FMN2: variants seen among roughly 807,000 people sequenced by gnomAD.
The protein encoded by FMN2 is formin-2.
Under a neutral mutation model 142.3 loss-of-function variants are expected in FMN2, and 51 were observed. That is an observed-to-expected ratio of 0.36 (90% CI 0.29 to 0.45). FMN2 has a LOEUF of 0.45. Among genes scored for constraint, FMN2 ranks in the 20% least tolerant of loss-of-function variants. The probability of loss-of-function intolerance (pLI) is 1.00; values close to 1 mark genes in which losing one functional copy is unlikely to be tolerated. For missense variants in FMN2, 1,936 were observed against 2,122.8 expected (o/e 0.91, Z 1.73); for synonymous variants, 882 against 869.8 (o/e 1.01, Z -0.25).
At chr1:240,268,135 G>A (rs2124727) in intron 7 of FMN2, among the ~76,000 whole-genome samples, 57,231 of 151,842 alleles carry the variant, frequency 0.38, 11,278 homozygotes, top group East Asian at 0.55. Context: ...CTCATTACTG[G>A]GTATATATCT....
At position 240,178,103 on chromosome 1, in the gene FMN2, A is replaced by G. The variant is rs185674583; in HGVS notation, c.1930+35A>G. On this transcript the variant is annotated intron_variant, in intron 3 of 17. Coordinates refer to ENST00000319653, the MANE Select transcript of FMN2 (RefSeq NM_020066.5). ...TCCTTTGTCTTCAGAGATAACTGGAAGAGGCAAGATAGAGAGAGAGAAGTT... is the reference window on the plus strand; with the variant it reads ...TCCTTTGTCTTCAGAGATAACTGGAGGAGGCAAGATAGAGAGAGAGAAGTT... 295 of 1,534,816 alleles carry G rather than the reference A, an allele frequency of 1.9e-4. 2 individuals are homozygous for G. The East Asian group carries it at 5.7e-3, about 30-fold the overall frequency.
At position 240,413,120 on chromosome 1, in the gene FMN2, C is replaced by CTCAA. The variant is rs1259612812; in HGVS notation, c.4910+20558_4910+20559insTCAA. On this transcript the variant is annotated intron_variant, in intron 15 of 17. Transcript: ENST00000319653. ...CCTGGGCGACAAAGCGAGACTCTGTCAAAAAAAAAAAAAAAAAAAAAAAAA... is the reference window on the plus strand; with the variant it reads ...CCTGGGCGACAAAGCGAGACTCTGTCTCAAAAAAAAAAAAAAAAAAAAAAAAAAA... Among the ~76,000 whole-genome samples the CTCAA allele has an allele frequency of 2.0e-4, 5 of 24,582 alleles. 1 individual carries two copies. The highest frequency in any genetic ancestry group is 5.8e-4 in the African/African-American group (5 of 8,626). 16.1% of individuals were successfully genotyped at this position (24,582 alleles called of 152,430 possible).
chr1:240,335,196 C>T (rs540746867), intron 13 of FMN2, among the ~76,000 whole-genome samples: 1 of 152,216 alleles, frequency 6.6e-6, no homozygotes, highest in East Asian at 1.9e-4. Context: ...TGGTTCATGG[C>T]AGACAGTTGC....
intron 7 of FMN2, among the ~76,000 whole-genome samples, chr1:240,275,051 G>T (rs1008234523): frequency 1.3e-5 from 2 of 150,842 alleles, no homozygotes; most frequent in African/African-American, 4.9e-5. Flanking sequence ...GGGGAAATTG[G>T]GGTCAAGAAA....
At chr1:240,311,795 C>T (rs900160393) in intron 8 of FMN2, among the ~76,000 whole-genome samples, 5 of 151,940 alleles carry the variant, frequency 3.3e-5, no homozygotes, top group South Asian at 4.1e-4. Flanking sequence ...ATAAATGATC[C>T]GGGATTGTTC....
chr1:240,313,896 C>T (rs1670677565), intron 8 of FMN2, among the ~76,000 whole-genome samples: 2 of 152,022 alleles, frequency 1.3e-5, no homozygotes, highest in African/African-American at 4.8e-5. Flanking sequence ...ATTGCTTGAA[C>T]CCAAGAGGTG....
At chr1:240,220,956 G>C (rs1412459607) in intron 6 of FMN2, among the ~76,000 whole-genome samples, 1 of 152,126 alleles carries the variant, frequency 6.6e-6, no homozygotes, top group Non-Finnish European at 1.5e-5. Flanking sequence ...TTATGAGTGA[G>C]AACATGCAGT....
chr1:240,115,363 ATCTCAT>A (rs541659562), intron 1 of FMN2, among the ~76,000 whole-genome samples: 2 of 152,262 alleles, frequency 1.3e-5, no homozygotes, highest in South Asian at 4.2e-4. Flanking sequence ...GACATGCATT[ATCTCAT>A]TTAGTCATCA....
chr1:240,400,671 C>A (rs933931635), intron 15 of FMN2: 16 of 152,138 alleles, frequency 1.1e-4, no homozygotes, highest in African/African-American at 3.9e-4. Context: ...TATCTGCCAC[C>A]CCAATCTCAA....
At chr1:240,187,140 G>T (rs1665501186) in intron 3 of FMN2, among the ~76,000 whole-genome samples, 2 of 150,528 alleles carry the variant, frequency 1.3e-5, no homozygotes, top group East Asian at 2.0e-4. Flanking sequence ...TGTGGTGGCG[G>T]GTGCCTATAA....
rs1190384232 is a variant in FMN2, at chr1:240,207,406, A to G, written c.2594A>G (p.Glu865Gly). 1.9e-6 allele frequency: 3 copies of G among 1,613,674 alleles called. No individual in the cohort carries two copies. The highest frequency in any genetic ancestry group is 1.7e-5 in the Admixed American group (1 of 59,966). Residue 865 changes from glutamate (E) to glycine (G), a missense_variant, in exon 5 of 18, where the codon GAG (glutamate) becomes GGG (glycine). By Grantham distance (98) the Glu-to-Gly change is moderately conservative. Coordinates refer to ENST00000319653, the MANE Select transcript of FMN2 (RefSeq NM_020066.5). Reference sequence around the variant, plus strand: ...TCTCCACCACCTCTGCCTTGCACAGAGTCCTCCAGCTCCATGCCTGGCCTG... The same window carrying G: ...TCTCCACCACCTCTGCCTTGCACAGGGTCCTCCAGCTCCATGCCTGGCCTG... ...IPSPPPLPCT[E>G]SSSSMPGLGM...
intron 14 of FMN2, among the ~76,000 whole-genome samples, chr1:240,378,804 G>A (rs1422058206): frequency 6.6e-6 from 1 of 152,100 alleles, no homozygotes; most frequent in Non-Finnish European, 1.5e-5. Flanking sequence ...AAGTTCCACT[G>A]AGTTCTTTTG....
intron 2 of FMN2, among the ~76,000 whole-genome samples, chr1:240,166,445 G>A (rs921950836): frequency 6.6e-6 from 1 of 152,008 alleles, no homozygotes; most frequent in Non-Finnish European, 1.5e-5. Flanking sequence ...GGCCAGGCTG[G>A]TCTTCAACTT....
At chr1:240,210,503 G>C (rs1413799667) in intron 5 of FMN2, among the ~76,000 whole-genome samples, 1 of 152,112 alleles carries the variant, frequency 6.6e-6, no homozygotes, top group African/African-American at 2.4e-5. Flanking sequence ...TATGTATGTG[G>C]GTGATTCATT....
intron 15 of FMN2, among the ~76,000 whole-genome samples, chr1:240,431,423 TAC>T (rs1553378837): frequency 7.6e-6 from 1 of 130,952 alleles, no homozygotes; most frequent in Non-Finnish European, 1.7e-5. Context: ...TATATATATA[TAC>T]ATATATATAC....
At chr1:240,330,010 G>A (rs180940558) in intron 10 of FMN2, among the ~76,000 whole-genome samples, 70 of 152,176 alleles carry the variant, frequency 4.6e-4, no homozygotes, top group Middle Eastern at 3.4e-3. Context: ...TTCTAGTTGC[G>A]GTAAATCATT....
intron 7 of FMN2, among the ~76,000 whole-genome samples, chr1:240,269,782 A>G (rs538645822): frequency 1.2e-4 from 18 of 151,866 alleles, no homozygotes; most frequent in East Asian, 1.9e-4. Flanking sequence ...ATTTTCTCCT[A>G]AGTATTTTTT....
chr1:240,093,670 G>A lies in FMN2; in HGVS notation c.1561G>A (p.Ala521Thr). ...CGGTGGGGTGTCCCCAGCACTGGCC[G>A]CCAAGGCGTCTGGGGCCCCCGCGGC... The part of the protein sequence containing the change: ...SGGGVSPALA[A>T]KASGAPAAAD... Residue 521 changes from alanine (A) to threonine (T), a missense_variant, in exon 1 of 18, where the codon GCC becomes ACC. Physicochemically the swap from Ala to Thr is moderately conservative, Grantham distance 58. Transcript: ENST00000319653. 14 of 1,370,286 alleles carry A rather than the reference G, an allele frequency of 1.0e-5. No homozygotes were observed. Among genetic ancestry groups the A allele is most frequent in the Non-Finnish European group, 1.2e-5 (13 of 1,068,204 alleles). 84.9% of individuals were successfully genotyped at this position (1,370,286 alleles called of 1,614,324 possible).
At chr1:240,220,667 T>TTGTGTGTGTGTGTGTGTGTG (rs71792127) in intron 6 of FMN2, among the ~76,000 whole-genome samples, 3 of 149,094 alleles carry the variant, frequency 2.0e-5, no homozygotes, top group African/African-American at 7.4e-5. Context: ...GAGTCTGTGT[T>TTGTGTGTGTGTGTGTGTGTG]TGTGTGTGTG....
Sources: allele counts gnomAD v4.1 joint callset (sites outside exome capture counted in the v4.1 genomes callset), GRCh38; gene constraint gnomAD v4.1.1; transcripts MANE v1.5; gene names NCBI Gene and HGNC (gene_info 2026-07-23, HGNC 2026-07-21).